The following MEGF11 variants were observed in gnomAD, a reference collection of about 807,000 sequenced individuals.
MEGF11 encodes multiple EGF like domains 11.
In MEGF11, 126 loss-of-function variants were observed where a neutral mutation model predicts 146.6. The observed-to-expected ratio is 0.86, with a 90% confidence interval of 0.74 to 1.00. MEGF11 has a LOEUF of 1.00. Ranked by LOEUF, MEGF11 falls within the 50% of genes least tolerant of loss-of-function variation. MEGF11 has a pLI of 0.00. For missense variants in MEGF11, 1,509 were observed against 1,521.2 expected, an observed-to-expected ratio of 0.99 and a Z score of 0.13; for synonymous variants, 532 against 583.4, an observed-to-expected ratio of 0.91 and a Z score of 1.27.
At chr15:65,938,751 G>A (rs1259148945) in intron 10 of MEGF11, among the ~76,000 whole-genome samples, 1 of 152,278 alleles carries the variant, frequency 6.6e-6, no homozygotes, top group African/African-American at 2.4e-5. Context: ...AACCCTCGAC[G>A]CTGGTCCCAC....
chr15:66,081,090 T>G (rs191748201), intron 5 of MEGF11, among the ~76,000 whole-genome samples: 1 of 152,138 alleles, frequency 6.6e-6, no homozygotes, highest in Non-Finnish European at 1.5e-5. Flanking sequence ...CTGGACAGCA[T>G]AGGGCTCAGC....
chr15:65,960,408 G>C (rs577157008), intron 9 of MEGF11, among the ~76,000 whole-genome samples: 1 of 152,104 alleles, frequency 6.6e-6, no homozygotes, highest in East Asian at 1.9e-4. Context: ...CAAGGCACTG[G>C]AAGGGGAGAC....
chr15:66,152,998 C>T (rs912759426), intron 1 of MEGF11, among the ~76,000 whole-genome samples: 1 of 152,230 alleles, frequency 6.6e-6, no homozygotes, highest in Non-Finnish European at 1.5e-5. Context: ...CCGCTCCTTC[C>T]CTTCTCCTCC....
At chr15:66,119,530 C>A (rs1276584623) in intron 3 of MEGF11, among the ~76,000 whole-genome samples, 1 of 152,158 alleles carries the variant, frequency 6.6e-6, no homozygotes, top group Admixed American at 6.5e-5. Context: ...GCTTGAAGAG[C>A]CCACGGGGTG....
At chr15:66,164,355 G>A (rs934863756) in intron 1 of MEGF11, among the ~76,000 whole-genome samples, 3 of 152,182 alleles carry the variant, frequency 2.0e-5, no homozygotes, top group South Asian at 4.2e-4. Context: ...AACCTGGATC[G>A]CTGCACGTGA....
chr15:65,993,011 T>G (rs112775495), intron 5 of MEGF11, among the ~76,000 whole-genome samples: 2 of 152,132 alleles, frequency 1.3e-5, no homozygotes, highest in Non-Finnish European at 2.9e-5. Flanking sequence ...AGATCACCCA[T>G]GAGAGGCAGG....
chr15:66,102,183 C>T (rs1388460500), intron 4 of MEGF11, among the ~76,000 whole-genome samples: 4 of 12,140 alleles, frequency 3.3e-4, no homozygotes, highest in Non-Finnish European at 8.1e-4. Flanking sequence ...CCTGGTACCC[C>T]AGCCTTCCTT....
In MEGF11 at chr15:65,965,109, T is replaced by C; in HGVS notation, c.911A>G (p.Glu304Gly). 1 of 1,590,444 alleles carries C rather than the reference T, an allele frequency of 6.3e-7. No individual in the cohort carries two copies. Among genetic ancestry groups the C allele is most frequent in the Non-Finnish European group, 8.6e-7 (1 of 1,165,962 alleles). ...AGYMGDRCQEECPFGSFGFQC... is the reference protein window; with the variant it reads ...AGYMGDRCQEGCPFGSFGFQC... ...GAAGCCGAAGGACCCGAAGGGGCAC[T>C]CCTCTTGGCACCTGTGGGAGAGCAG... The change falls in exon 9 of 26, where the codon GAG (glutamate) becomes GGG (glycine). Residue 304 changes from glutamate (E) to glycine (G), a missense_variant. Transcript: ENST00000395614.
At chr15:66,074,815 C>G (rs993673503) in intron 5 of MEGF11, among the ~76,000 whole-genome samples, 7 of 152,206 alleles carry the variant, frequency 4.6e-5, no homozygotes, top group African/African-American at 1.4e-4. Context: ...CTTATTAACA[C>G]TTGCTATTAT....
At chr15:66,125,995 G>A (rs1412342638) in intron 2 of MEGF11, among the ~76,000 whole-genome samples, 2 of 152,174 alleles carry the variant, frequency 1.3e-5, no homozygotes, top group Non-Finnish European at 1.5e-5. Context: ...TCTCTGACCC[G>A]AAGTGTGTAC....
rs1466619099 is a variant in MEGF11 at position 66,053,714 on chromosome 15, AATTTTTTTTTTT to A, written c.394+40676_394+40687del. The stretch of plus-strand genomic sequence containing the variant: ...ACTCAGCTCCCCCTCCCCTGGCACC[AATTTTTTTTTTT>A]TTTTTTTTTTTTTTTTTTTGAGACA... On this transcript the variant is annotated intron_variant, in intron 5 of 25. Coordinates refer to ENST00000395614, the MANE Select transcript of MEGF11 (RefSeq NM_001385028.1). Among the ~76,000 whole-genome samples, 26 of 42,286 alleles carry A rather than the reference AATTTTTTTTTTT, an allele frequency of 6.1e-4. No individual in the cohort carries two copies. The East Asian group carries it at 9.1e-3, about 15-fold the overall frequency. The allele number at this position is 42,286 out of a possible 152,430, so 27.7% of individuals were successfully genotyped here.
intron 24 of MEGF11, among the ~76,000 whole-genome samples, chr15:65,901,168 G>A (rs1399156124): frequency 6.6e-6 from 1 of 152,118 alleles, no homozygotes; most frequent in African/African-American, 2.4e-5. Context: ...ACAAGGAAGT[G>A]GTGGTAAGTC....
chr15:65,982,100 G>T lies in MEGF11; in HGVS notation c.641+142C>A. ...ACCCAGCCCACCCACAAGGAGCCCA[G>T]GGCTGGGCGTGCAGCTGCGGTGAGG... is the stretch of plus-strand genomic sequence containing the variant. On this transcript the variant is annotated intron_variant, in intron 6 of 25. Transcript: ENST00000395614. The surrounding 1 kb of genome is among the most constrained non-coding windows in gnomAD (Gnocchi z 5.6). 9.3e-7 allele frequency: 1 copy of T among 1,069,582 alleles called. No homozygotes were observed. The highest frequency in any genetic ancestry group is 1.3e-6 in the Non-Finnish European group (1 of 787,980). The allele number at this position is 1,069,582 out of a possible 1,614,324, so 66.3% of individuals were successfully genotyped here.
In MEGF11 at chr15:66,043,516, G is replaced by A. The variant is rs77685064; in HGVS notation, c.394+50886C>T. Among the ~76,000 whole-genome samples the A allele has an allele frequency of 6.4e-4, 97 of 152,228 alleles. 1 individual carries two copies. The East Asian group carries it at 0.018, about 28-fold the overall frequency. ...TTGCACAGCGAATGTAATTATGCCC[G>A]CGTGATGTTGACACAAAAGAAGCCA... is the stretch of plus-strand genomic sequence containing the variant. On this transcript the variant is annotated intron_variant, in intron 5 of 25. Transcript: ENST00000395614.
intron 1 of MEGF11, among the ~76,000 whole-genome samples, chr15:66,199,517 C>T (rs1394074700): frequency 6.6e-6 from 1 of 152,178 alleles, no homozygotes; most frequent in East Asian, 1.9e-4. Flanking sequence ...CCAAGCCAGC[C>T]CAGAGGCTCC....
intron 1 of MEGF11, among the ~76,000 whole-genome samples, chr15:66,156,633 C>T (rs2089769938): frequency 1.3e-5 from 2 of 152,060 alleles, no homozygotes; most frequent in Non-Finnish European, 2.9e-5. Context: ...AGCCTTCTTT[C>T]CTCTGTGGCT....
chr15:66,008,583 G>C (rs1343527081), intron 5 of MEGF11, among the ~76,000 whole-genome samples: 2 of 152,062 alleles, frequency 1.3e-5, no homozygotes, highest in Non-Finnish European at 2.9e-5. Flanking sequence ...CAGTACTTTG[G>C]GAGGCAAAAG....
At chr15:66,074,224 T>A (rs137934988) in intron 5 of MEGF11, among the ~76,000 whole-genome samples, 1 of 152,360 alleles carries the variant, frequency 6.6e-6, no homozygotes, top group African/African-American at 2.4e-5. Flanking sequence ...AATAACATAT[T>A]CATTATTTTG....
intron 8 of MEGF11, among the ~76,000 whole-genome samples, chr15:65,965,580 C>CT (rs1251307055): frequency 6.7e-4 from 6 of 9,004 alleles, no homozygotes; most frequent in Non-Finnish European, 2.0e-3. Flanking sequence ...CCCTTTCTTT[C>CT]TTTCTTTCTT....
Sources: gnomAD v4.1 joint callset for allele counts (sites outside exome capture counted in the v4.1 genomes callset) on GRCh38, gnomAD v4.1.1 for gene constraint, Gnocchi (gnomAD v3.1) non-coding constraint, MANE v1.5 for transcripts, NCBI Gene and HGNC (gene_info 2026-07-23, HGNC 2026-07-21) for gene names.